BAZ1A: variants seen among roughly 807,000 people sequenced by gnomAD.
BAZ1A encodes the protein bromodomain adjacent to zinc finger domain protein 1A.
A neutral mutation model predicts 185.2 loss-of-function variants in BAZ1A; 50 were observed. The observed-to-expected ratio is 0.27, with a 90% CI of 0.22 to 0.34. The LOEUF is 0.34. BAZ1A is among the 10% of genes least tolerant of loss of function. The pLI is 1.00. For missense variants in BAZ1A, 1,356 were observed against 1,839.9 expected, an observed-to-expected ratio of 0.74 and a Z score of 4.81; for synonymous variants, 571 against 615.6, an observed-to-expected ratio of 0.93 and a Z score of 1.07.
chr14:34,814,884 C>G (rs938857270), intron 4 of BAZ1A, among the ~76,000 whole-genome samples: 7 of 151,970 alleles, frequency 4.6e-5, no homozygotes, highest in African/African-American at 1.7e-4. Flanking sequence ...AGAGATTCTC[C>G]TGCCTCAGCC....
intron 3 of BAZ1A, among the ~76,000 whole-genome samples, chr14:34,841,985 T>C (rs1485642614): frequency 1.3e-5 from 2 of 152,188 alleles, no homozygotes; most frequent in African/African-American, 4.8e-5. Context: ...TTTAATTATT[T>C]GGCATGCAAA....
At chr14:34,809,781 AG>A in intron 5 of BAZ1A, among the ~76,000 whole-genome samples, 1 of 152,246 alleles carries the variant, frequency 6.6e-6, no homozygotes, top group Non-Finnish European at 1.5e-5. Flanking sequence ...AATATTAAAT[AG>A]GGAATTACAT....
chr14:34,851,118 A>G (rs1005354823), intron 3 of BAZ1A, among the ~76,000 whole-genome samples: 7 of 151,956 alleles, frequency 4.6e-5, no homozygotes, highest in African/African-American at 1.7e-4. Flanking sequence ...AGATCACTTG[A>G]GGCCAGGAGT....
chr14:34,852,714 T>TA (rs1429925235), intron 3 of BAZ1A, among the ~76,000 whole-genome samples: 4 of 152,190 alleles, frequency 2.6e-5, no homozygotes, highest in Non-Finnish European at 4.4e-5. Context: ...TATAGCTTTT[T>TA]AAAAAAATCA....
chr14:34,808,075 G>A (rs892522688), intron 5 of BAZ1A, among the ~76,000 whole-genome samples: 4 of 151,946 alleles, frequency 2.6e-5, no homozygotes, highest in South Asian at 2.1e-4. Context: ...CAGCCTGGGC[G>A]ACAGAGCAAG....
At chr14:34,838,091 G>A (rs2138748513) in intron 3 of BAZ1A, among the ~76,000 whole-genome samples, 1 of 152,230 alleles carries the variant, frequency 6.6e-6, no homozygotes, top group Middle Eastern at 3.4e-3. Flanking sequence ...CTGAGTTCCT[G>A]ACAACTTTGT....
chr14:34,831,190 T>C (rs1258459645), intron 3 of BAZ1A, among the ~76,000 whole-genome samples: 1 of 152,202 alleles, frequency 6.6e-6, no homozygotes, highest in Non-Finnish European at 1.5e-5. Flanking sequence ...AGCTCTATTC[T>C]CCTAGGAACT....
intron 3 of BAZ1A, among the ~76,000 whole-genome samples, chr14:34,860,175 C>G (rs1334222130): frequency 1.3e-5 from 2 of 151,738 alleles, no homozygotes; most frequent in African/African-American, 4.8e-5. Flanking sequence ...GAATGTTGTA[C>G]TTAAGGGAGG....
At chr14:34,814,469 T>C (rs1356471021) in intron 4 of BAZ1A, among the ~76,000 whole-genome samples, 1 of 152,008 alleles carries the variant, frequency 6.6e-6, no homozygotes, top group Admixed American at 6.6e-5. Flanking sequence ...AAAACTTGTA[T>C]ATGGACCTTT....
At chr14:34,833,306 A>G (rs1029734249) in intron 3 of BAZ1A, among the ~76,000 whole-genome samples, 1 of 152,184 alleles carries the variant, frequency 6.6e-6, no homozygotes, top group African/African-American at 2.4e-5. Flanking sequence ...AGGCGGGTGG[A>G]TCACGAGGTC....
rs201628101 is a variant in BAZ1A, at chr14:34,788,192, AT to A, written c.1511-1972del. Among the ~76,000 whole-genome samples, 1,124 of 152,038 alleles carry A rather than the reference AT, an allele frequency of 7.4e-3. 8 individuals are homozygous for A. Among genetic ancestry groups the A allele is most frequent in the Non-Finnish European group, 0.013 (869 of 67,956 alleles). The stretch of plus-strand genomic sequence containing the variant: ...GCCACCACGCCTGGCTAATTTTTGT[AT>A]TTTTAGTAGAGACAGGGTTTCACCA... On this transcript the variant is annotated intron_variant, in intron 12 of 26. Transcript: ENST00000360310.
rs1311055292 is a variant in BAZ1A at position 34,752,985 on chromosome 14, A to T, written c.*523T>A. ...CTCAATACTAAATAAATATCTAGTT[A>T]ATAAACTTGGACTTAATACCTGCAG... is the stretch of plus-strand genomic sequence containing the variant. On this transcript the variant is annotated 3_prime_UTR_variant, in exon 27 of 27. Coordinates refer to ENST00000360310, the MANE Select transcript of BAZ1A (RefSeq NM_013448.3). 1 of 152,684 alleles carries T rather than the reference A, an allele frequency of 6.5e-6. No individual in the cohort carries two copies. Among genetic ancestry groups the T allele is most frequent in the Non-Finnish European group, 1.5e-5 (1 of 68,056 alleles). The allele number at this position is 152,684 out of a possible 1,614,324, so 9.5% of individuals were successfully genotyped here.
intron 2 of BAZ1A, among the ~76,000 whole-genome samples, chr14:34,865,493 T>C (rs74043575): frequency 0.031 from 4,659 of 152,280 alleles, 265 homozygotes; most frequent in African/African-American, 0.11. Flanking sequence ...TCTATCTGTG[T>C]AGGTTATCTC....
intron 25 of BAZ1A, 121 bp from the exon 26 acceptor site, chr14:34,755,035 C>A: frequency 1.7e-6 from 1 of 601,046 alleles, no homozygotes. Context: ...TGGTCTTGCT[C>A]ATGACTCTCT....
intron 16 of BAZ1A, among the ~76,000 whole-genome samples, chr14:34,781,817 A>G (rs536043104): frequency 9.8e-5 from 15 of 152,292 alleles, no homozygotes; most frequent in Non-Finnish European, 1.9e-4. Flanking sequence ...TCTTTAGCAT[A>G]TATTTTCAAA....
At chr14:34,803,855 T>C (rs1298975465) in intron 6 of BAZ1A, among the ~76,000 whole-genome samples, 1 of 152,238 alleles carries the variant, frequency 6.6e-6, no homozygotes, top group Non-Finnish European at 1.5e-5. Context: ...TGCAAATTCC[T>C]ATAAAGTTTA....
At chr14:34,767,126 C>A (rs922733825) in intron 21 of BAZ1A, among the ~76,000 whole-genome samples, 1 of 152,148 alleles carries the variant, frequency 6.6e-6, no homozygotes, top group Admixed American at 6.5e-5. Flanking sequence ...ATTTTTCCAT[C>A]TTTATCTATG....
intron 23 of BAZ1A, among the ~76,000 whole-genome samples, chr14:34,762,438 GA>G (rs1326101236): frequency 1.3e-5 from 2 of 151,872 alleles, no homozygotes; most frequent in Non-Finnish European, 2.9e-5. Context: ...AATGCAAAGA[GA>G]ATTATCTGCA....
intron 3 of BAZ1A, among the ~76,000 whole-genome samples, chr14:34,856,726 C>T (rs11156864): frequency 0.14 from 21,779 of 151,274 alleles, 1,731 homozygotes; most frequent in South Asian, 0.24. Flanking sequence ...GGTGTGGTGG[C>T]GGGCGCCTGT....
Sources: allele counts gnomAD v4.1 joint callset (sites outside exome capture counted in the v4.1 genomes callset), GRCh38; gene constraint gnomAD v4.1.1; transcripts MANE v1.5; gene names NCBI Gene and HGNC (gene_info 2026-07-23, HGNC 2026-07-21).